ZNF250: variants seen among roughly 807,000 people sequenced by gnomAD.
The protein encoded by ZNF250 is zinc finger protein (clone 647).
ZNF250 carries 13 observed loss-of-function variants against 37.1 expected under a neutral mutation model. The observed-to-expected ratio is 0.35, with a 90% CI of 0.23 to 0.56. The LOEUF is 0.56. Ranked by LOEUF, ZNF250 falls within the 20% of genes least tolerant of loss-of-function variation. The pLI is 0.87. For synonymous variants in ZNF250, 251 were observed against 265.6 expected (o/e 0.94, Z 0.54); for missense variants, 474 against 697.9 (o/e 0.68, Z 3.61).
chr8:144,882,799 C>G lies in ZNF250; in HGVS notation c.384G>C (p.Leu128Phe), dbSNP rs1179982924. The G allele has an allele frequency of 2.5e-6, 4 of 1,613,062 alleles. No individual in the cohort carries two copies. Among genetic ancestry groups the G allele is most frequent in the South Asian group, 2.2e-5 (2 of 91,040 alleles). Residue 128 changes from leucine to phenylalanine, a missense_variant, in exon 6 of 6, where the codon TTG becomes TTC. Around this residue, in one of 2 missense-constraint regions of ZNF250, gnomAD observed 192 missense variants for 227.5 expected, o/e 0.84. Coordinates refer to ENST00000417550, the MANE Select transcript of ZNF250 (RefSeq NM_001109689.4). The surrounding 1 kb of genome is among the most constrained non-coding windows in gnomAD (Gnocchi z 5.5). The stretch of plus-strand genomic sequence containing the variant: ...GCTCTGAAATTAATGGCTTCGGACT[C>G]AAGTCTGTATTTTGACTCTCTCCCT... ...ETKGESQNTD[L>F]SPKPLISEQT... is the part of the protein sequence containing the mutation.
At position 144,897,379 on chromosome 8, in the gene ZNF250, T is replaced by C. The variant is rs1832790422; in HGVS notation, c.-55+4020A>G. ...CACTTGTGAGCACAAGGCGAAACAC[T>C]GCTAAACTTGACCTAATCTAAACTA... On this transcript the variant is annotated intron_variant, in intron 1 of 5. Transcript: ENST00000417550. This position sits in a 1 kb window ranked among gnomAD's most constrained non-coding sequence, Gnocchi z 5.2. Among the ~76,000 whole-genome samples the C allele has an allele frequency of 6.6e-6, 1 of 152,238 alleles. No individual in the cohort carries two copies. Among genetic ancestry groups the C allele is most frequent in the African/African-American group, 2.4e-5 (1 of 41,470 alleles).
chr8:144,898,235 T>G (rs1226545532), intron 1 of ZNF250, among the ~76,000 whole-genome samples: 4 of 152,012 alleles, frequency 2.6e-5, no homozygotes, highest in African/African-American at 9.7e-5. Context: ...AGGTGGAGTT[T>G]GCAGTGAGCC....
At chr8:144,889,907 A>G (rs771910371) in intron 3 of ZNF250, 26 bp downstream of exon 3, 1 of 1,578,396 alleles carries the variant, frequency 6.3e-7, no homozygotes. Context: ...GCAGATACAT[A>G]GACGAGGCCT....
At position 144,876,990 on chromosome 8, in the gene ZNF250, T is replaced by G. The variant is rs939441876; in HGVS notation, c.*4525A>C. ...TACTTTTTTATTGGAAAGCGTCAGA[T>G]TATACACAGAAATTCCAGGCAGACT... On this transcript the variant is annotated 3_prime_UTR_variant, in exon 6 of 6. Transcript: ENST00000417550. 1 of 152,240 alleles carries G rather than the reference T, an allele frequency of 6.6e-6. No homozygotes were observed. The highest frequency in any genetic ancestry group is 1.5e-5 in the Non-Finnish European group (1 of 68,048). 9.4% of individuals were successfully genotyped at this position (152,240 alleles called of 1,614,324 possible). A position where few individuals can be genotyped will look rare whatever the true frequency, so the allele number is the denominator to read the frequency against.
chr8:144,885,060 T>C (rs528039465), intron 5 of ZNF250, among the ~76,000 whole-genome samples: 2 of 152,368 alleles, frequency 1.3e-5, no homozygotes, highest in East Asian at 1.9e-4. Context: ...TATTGACAAA[T>C]TGAAACAGTG....
At chr8:144,894,188 T>G (rs1832550193) in intron 1 of ZNF250, among the ~76,000 whole-genome samples, 1 of 152,026 alleles carries the variant, frequency 6.6e-6, no homozygotes, top group Admixed American at 6.6e-5. Flanking sequence ...TCTATTCACC[T>G]TCCAAGCACA....
Position 144,882,127 on chromosome 8 carries a change from G to A in ZNF250, c.1056C>T (p.His352=), listed in dbSNP as rs1412797835. 3.7e-6 allele frequency: 6 copies of A among 1,612,520 alleles called. No homozygotes were observed. Among genetic ancestry groups the A allele is most frequent in the Admixed American group, 1.7e-5 (1 of 59,882 alleles). Residue 352 remains histidine (H), a synonymous_variant, in exon 6 of 6, where the codon CAC becomes CAT. Coordinates refer to ENST00000417550, the MANE Select transcript of ZNF250 (RefSeq NM_001109689.4). The surrounding 1 kb of genome is among the most constrained non-coding windows in gnomAD (Gnocchi z 5.5). The part of the protein sequence containing the change: ...TFSVKRTLLQ[H]QRIHTGEKPY... ...GCTTCTCCCCGGTGTGGATCCTCTG[G>A]TGCTGCAGCAGTGTCCTCTTCACAC...
chr8:144,882,715 T>C lies in ZNF250; in HGVS notation c.468A>G (p.Thr156=). Residue 156 remains threonine, a synonymous_variant, in exon 6 of 6, where the codon ACA becomes ACG. Coordinates refer to ENST00000417550, the MANE Select transcript of ZNF250 (RefSeq NM_001109689.4). This position sits in a 1 kb window ranked among gnomAD's most constrained non-coding sequence, Gnocchi z 5.5. ...LGRIDQENNE[T]KQSFCLSPNS... Reference sequence around the variant, plus strand: ...TTGGACTCAGACAGAAGCTTTGCTTTGTTTCATTATTTTCTTGATCAATCC... The same window carrying C: ...TTGGACTCAGACAGAAGCTTTGCTTCGTTTCATTATTTTCTTGATCAATCC... The C allele has an allele frequency of 1.2e-6, 2 of 1,614,038 alleles. No homozygotes were observed. The highest frequency in any genetic ancestry group is 1.7e-6 in the Non-Finnish European group (2 of 1,179,890).
chr8:144,888,575 G>C (rs893186107), intron 4 of ZNF250, among the ~76,000 whole-genome samples: 2 of 143,210 alleles, frequency 1.4e-5, no homozygotes, highest in African/African-American at 5.2e-5. Context: ...TCCAGCCTGG[G>C]CGACAGAGCA....
rs901305545 is a variant in ZNF250 at position 144,890,586 on chromosome 8, G to A, written c.-54-183C>T. Among the ~76,000 whole-genome samples the A allele has an allele frequency of 3.3e-5, 5 of 152,026 alleles. No homozygotes were observed. Among genetic ancestry groups the A allele is most frequent in the Non-Finnish European group, 7.4e-5 (5 of 67,978 alleles). On this transcript the variant is annotated intron_variant, in intron 1 of 5. Coordinates refer to ENST00000417550, the MANE Select transcript of ZNF250 (RefSeq NM_001109689.4). This position sits in a 1 kb window ranked among gnomAD's most constrained non-coding sequence, Gnocchi z 5.1. ...CTCCCCCATGAACTCTGACCCTATG[G>A]TTCAGGAGCCTGTCCAGGCCCTGAA...
At chr8:144,892,074 A>G (rs1271907911) in intron 1 of ZNF250, among the ~76,000 whole-genome samples, 1 of 152,230 alleles carries the variant, frequency 6.6e-6, no homozygotes, top group Non-Finnish European at 1.5e-5. Context: ...AAGATACACA[A>G]TAAACTAACT....
At position 144,890,426 on chromosome 8, in the gene ZNF250, T is replaced by C; in HGVS notation, c.-54-23A>G. ...GGGCTGAGGAAGAGGAGGGGGCAAG[T>C]GAGGGGCATGGCCTTGAGACCGTAA... On this transcript the variant is annotated intron_variant, in intron 1 of 5. Coordinates refer to ENST00000417550, the MANE Select transcript of ZNF250 (RefSeq NM_001109689.4). This position sits in a 1 kb window ranked among gnomAD's most constrained non-coding sequence, Gnocchi z 5.1. 2 of 1,364,314 alleles carry C rather than the reference T, an allele frequency of 1.5e-6. No individual in the cohort carries two copies. The highest frequency in any genetic ancestry group is 2.5e-5 in the East Asian group (1 of 39,426). 84.5% of individuals were successfully genotyped at this position (1,364,314 alleles called of 1,614,324 possible). A position where few individuals can be genotyped will look rare whatever the true frequency, so the allele number is the denominator to read the frequency against.
Position 144,897,307 on chromosome 8 carries a change from C to T in ZNF250, c.-55+4092G>A, listed in dbSNP as rs1246336542. 8.5e-5 allele frequency among the ~76,000 whole-genome samples: 13 copies of T among 152,162 alleles called. No homozygotes were observed. Among genetic ancestry groups the T allele is most frequent in the Non-Finnish European group, 5.9e-5 (4 of 68,022 alleles). Reference sequence around the variant, plus strand: ...GCTCCCTCTTCATCACCAAGGAGCCCCTACCCGCTAGGGTGAAAGCACTTT... The same window carrying T: ...GCTCCCTCTTCATCACCAAGGAGCCTCTACCCGCTAGGGTGAAAGCACTTT... On this transcript the variant is annotated intron_variant, in intron 1 of 5. Coordinates refer to ENST00000417550, the MANE Select transcript of ZNF250 (RefSeq NM_001109689.4). The surrounding 1 kb of genome is among the most constrained non-coding windows in gnomAD (Gnocchi z 5.2).
Position 144,882,654 on chromosome 8 carries a change from G to C in ZNF250, c.529C>G (p.Gln177Glu), listed in dbSNP as rs764386834. Residue 177 changes from glutamine (Q) to glutamate (E), a missense_variant, in exon 6 of 6, where the codon CAA (glutamine) becomes GAA (glutamate). By Grantham distance (29) the Gln-to-Glu change is conservative. Transcript: ENST00000417550. This position sits in a 1 kb window ranked among gnomAD's most constrained non-coding sequence, Gnocchi z 5.5. ...VDHREVQVLS[Q>E]SMPLTPHQAV... ...TGGTGCGGAGTGAGTGGCATGCTTT[G>C]GCTTAAGACCTGAACTTCACGGTGG... The C allele has an allele frequency of 6.2e-7, 1 of 1,613,970 alleles. No homozygotes were observed. Among genetic ancestry groups the C allele is most frequent in the Non-Finnish European group, 8.5e-7 (1 of 1,179,884 alleles).
rs1016903447 is a variant in ZNF250, at chr8:144,891,086, G to C, written c.-54-683C>G. The stretch of plus-strand genomic sequence containing the variant: ...TGGGGCTGGTGCTGGAACGTAACAG[G>C]ACAAGGTAAGCAAAGGTATCTGACA... On this transcript the variant is annotated intron_variant, in intron 1 of 5. Coordinates refer to ENST00000417550, the MANE Select transcript of ZNF250 (RefSeq NM_001109689.4). This position sits in a 1 kb window ranked among gnomAD's most constrained non-coding sequence, Gnocchi z 4.0. 6.6e-6 allele frequency among the ~76,000 whole-genome samples: 1 copy of C among 152,144 alleles called. No homozygotes were observed. Among genetic ancestry groups the C allele is most frequent in the Non-Finnish European group, 1.5e-5 (1 of 68,036 alleles).
At chr8:144,884,130 T>C (rs1270376410) in intron 5 of ZNF250, among the ~76,000 whole-genome samples, 2 of 152,226 alleles carry the variant, frequency 1.3e-5, no homozygotes, top group Non-Finnish European at 2.9e-5. Flanking sequence ...TGGAACTCGT[T>C]TTCCCGTCAG....
intron 1 of ZNF250, among the ~76,000 whole-genome samples, chr8:144,899,293 T>C (rs1273797765): frequency 6.6e-6 from 1 of 152,190 alleles, no homozygotes; most frequent in South Asian, 2.1e-4. Flanking sequence ...TACAGTCAGA[T>C]ATAATGAATA....
chr8:144,882,063 G>A lies in ZNF250; in HGVS notation c.1120C>T (p.Arg374Cys), dbSNP rs1831515945. The change falls in exon 6 of 6, where the codon CGC becomes TGC. Residue 374 changes from arginine (R) to cysteine (C), a missense_variant. Around this residue, in one of 2 missense-constraint regions of ZNF250, gnomAD observed 282 missense variants for 470.4 expected, o/e 0.60. Coordinates refer to ENST00000417550, the MANE Select transcript of ZNF250 (RefSeq NM_001109689.4). This position sits in a 1 kb window ranked among gnomAD's most constrained non-coding sequence, Gnocchi z 5.5. ...CSECGKAFSD[R>C]SVLIQHHNVH... Reference sequence around the variant, plus strand: ...TTGTGGTGCTGAATGAGGACTGAGCGGTCGCTGAAGGCCTTCCCACACTCG... The same window carrying A: ...TTGTGGTGCTGAATGAGGACTGAGCAGTCGCTGAAGGCCTTCCCACACTCG... 3.1e-6 allele frequency: 5 copies of A among 1,612,326 alleles called. No homozygotes were observed. The highest frequency in any genetic ancestry group is 1.1e-5 in the South Asian group (1 of 90,970).
chr8:144,887,250 C>A lies in ZNF250; in HGVS notation c.284-348G>T, dbSNP rs868099652. Among the ~76,000 whole-genome samples, 631 of 63,684 alleles carry A rather than the reference C, an allele frequency of 9.9e-3. 3 individuals carry two copies. Among genetic ancestry groups the A allele is most frequent in the Non-Finnish European group, 0.012 (478 of 38,432 alleles). 41.8% of individuals were successfully genotyped at this position (63,684 alleles called of 152,430 possible). On this transcript the variant is annotated intron_variant, in intron 4 of 5. Coordinates refer to ENST00000417550, the MANE Select transcript of ZNF250 (RefSeq NM_001109689.4). ...TGGGGGACAGAGTGAAACTCCGTCT[C>A]TCAAAAAAAAAAAAAAAAAAAAAAA...
Sources: allele counts gnomAD v4.1 joint callset (sites outside exome capture counted in the v4.1 genomes callset), GRCh38; gene constraint gnomAD v4.1.1; regional missense constraint gnomAD v4.1.1; non-coding constraint Gnocchi (gnomAD v3.1); transcripts MANE v1.5; gene names NCBI Gene and HGNC (gene_info 2026-07-23, HGNC 2026-07-21).